Variants in PLCE1 observed in about 807,000 individuals in gnomAD.
The protein encoded by PLCE1 is phospholipase C epsilon 1.
PLCE1 carries 119 observed loss-of-function variants against 242.8 expected under a neutral mutation model. That is an observed-to-expected ratio of 0.49 (90% CI 0.42 to 0.57). PLCE1 has a LOEUF of 0.57. PLCE1 is among the 20% of genes least tolerant of loss of function. The probability of loss-of-function intolerance (pLI) is 0.00; values close to 1 mark genes in which losing one functional copy is unlikely to be tolerated. For synonymous variants in PLCE1, 945 were observed against 1,017.4 expected (o/e 0.93, Z 1.35); for missense variants, 2,441 against 2,788.8 (o/e 0.88, Z 2.81).
intron 2 of PLCE1, among the ~76,000 whole-genome samples, chr10:94,079,088 T>G (rs2044584325): frequency 6.6e-6 from 1 of 152,154 alleles, no homozygotes; most frequent in Non-Finnish European, 1.5e-5. Context: ...TTAAATTAAT[T>G]AAATTGTAAT....
At chr10:94,050,427 C>T (rs1263518955) in intron 2 of PLCE1, among the ~76,000 whole-genome samples, 3 of 152,078 alleles carry the variant, frequency 2.0e-5, no homozygotes, top group South Asian at 2.1e-4. Context: ...TCTCCAGTCA[C>T]CTCCCACCAG....
chr10:94,249,241 G>A (rs897522977), intron 8 of PLCE1, among the ~76,000 whole-genome samples: 1 of 152,130 alleles, frequency 6.6e-6, no homozygotes, highest in Non-Finnish European at 1.5e-5. Context: ...AAGTTGGAAA[G>A]ACCAATGGAC....
chr10:94,275,834 C>CAAAAA (rs150183729), intron 19 of PLCE1, among the ~76,000 whole-genome samples: 1 of 135,686 alleles, frequency 7.4e-6, no homozygotes, highest in Non-Finnish European at 1.6e-5. Flanking sequence ...GACCCTGACT[C>CAAAAA]AAAAAAAAAA....
At chr10:94,200,790 G>A (rs1310021670) in intron 4 of PLCE1, among the ~76,000 whole-genome samples, 2 of 152,146 alleles carry the variant, frequency 1.3e-5, no homozygotes, top group Non-Finnish European at 2.9e-5. Context: ...GTGTGCCCTG[G>A]ATATAATGTG....
chr10:94,222,222 A>C (rs144779640), intron 4 of PLCE1, among the ~76,000 whole-genome samples: 9 of 152,306 alleles, frequency 5.9e-5, no homozygotes, highest in Non-Finnish European at 1.2e-4. Context: ...GTGAGAATAC[A>C]AGTGAAACTT....
intron 4 of PLCE1, among the ~76,000 whole-genome samples, chr10:94,207,157 T>G (rs1480641566): frequency 6.6e-6 from 1 of 152,080 alleles, no homozygotes; most frequent in African/African-American, 2.4e-5. Context: ...CCCTGGCTCG[T>G]GTGGGGAGGG....
intron 1 of PLCE1, among the ~76,000 whole-genome samples, chr10:94,001,866 A>G (rs368331561): frequency 7.2e-5 from 11 of 152,386 alleles, no homozygotes; most frequent in South Asian, 6.2e-4. Flanking sequence ...TAAAATTCAC[A>G]AAAGCTAAAT....
At chr10:94,218,765 G>A in intron 4 of PLCE1, among the ~76,000 whole-genome samples, 1 of 151,546 alleles carries the variant, frequency 6.6e-6, no homozygotes, top group East Asian at 1.9e-4. Context: ...TGCTTTGGGA[G>A]GGCAACTGGG....
chr10:94,027,820 A>AAATAAATAAAT lies in PLCE1; in HGVS notation c.-364-2861_-364-2860insTAAATAAATAA, dbSNP rs1564632331. ...TGGCGACAGAGTGAGACTCCATCTC[A>AAATAAATAAAT]AAATAAATAAATAAATAAATAAATA... On this transcript the variant is annotated intron_variant, in intron 1 of 32. Transcript: ENST00000371380. 3.4e-3 allele frequency among the ~76,000 whole-genome samples: 504 copies of AAATAAATAAAT among 149,412 alleles called. 9 individuals carry two copies. Among genetic ancestry groups the AAATAAATAAAT allele is most frequent in the African/African-American group, 0.012 (478 of 40,444 alleles).
intron 7 of PLCE1, among the ~76,000 whole-genome samples, chr10:94,239,066 G>A (rs2050414384): frequency 2.0e-5 from 3 of 152,074 alleles, no homozygotes; most frequent in Non-Finnish European, 2.9e-5. Flanking sequence ...TACTTGATAG[G>A]GTTTTTGTGA....
At chr10:94,181,223 C>A (rs913278724) in intron 4 of PLCE1, among the ~76,000 whole-genome samples, 3 of 152,150 alleles carry the variant, frequency 2.0e-5, no homozygotes, top group Non-Finnish European at 4.4e-5. Context: ...GTAGCCCACC[C>A]CCAAGAGATT....
chr10:94,052,641 TTTTC>T (rs757167321), intron 2 of PLCE1, among the ~76,000 whole-genome samples: 1 of 152,188 alleles, frequency 6.6e-6, no homozygotes, highest in African/African-American at 2.4e-5. Flanking sequence ...CTTTCTTTCT[TTTTC>T]TTTTTTTCTT....
intron 3 of PLCE1, among the ~76,000 whole-genome samples, chr10:94,154,267 T>C (rs2047359765): frequency 6.6e-6 from 1 of 152,186 alleles, no homozygotes; most frequent in African/African-American, 2.4e-5. Flanking sequence ...TGGATATCCA[T>C]ATGCCAAACA....
chr10:94,324,611 A>T, intron 31 of PLCE1, 44 bp downstream of exon 31: 1 of 1,424,632 alleles, frequency 7.0e-7, no homozygotes, highest in South Asian at 1.1e-5. Context: ...GTTATCTGAT[A>T]CCCATAATTA....
chr10:94,319,883 T>C (rs1157149406), intron 29 of PLCE1, among the ~76,000 whole-genome samples: 1 of 140,802 alleles, frequency 7.1e-6, no homozygotes, highest in East Asian at 2.0e-4. Flanking sequence ...TTTTTTTTTT[T>C]TTTTGAGATG....
At chr10:94,106,054 G>A (rs563966243) in intron 2 of PLCE1, 6 of 152,336 alleles carry the variant, frequency 3.9e-5, no homozygotes, top group African/African-American at 1.4e-4. Flanking sequence ...ATGAGGCAGA[G>A]CTGGGATTCA....
intron 11 of PLCE1, among the ~76,000 whole-genome samples, chr10:94,257,621 G>A (rs1271435701): frequency 6.6e-6 from 1 of 152,144 alleles, no homozygotes; most frequent in Non-Finnish European, 1.5e-5. Context: ...GTCCTTTGTG[G>A]GGACATAGAT....
At chr10:94,179,011 C>A (rs894300384) in intron 4 of PLCE1, among the ~76,000 whole-genome samples, 2 of 152,164 alleles carry the variant, frequency 1.3e-5, no homozygotes, top group Non-Finnish European at 2.9e-5. Context: ...GGATAAACTG[C>A]TGATAAAAAC....
rs753327346 is a variant in PLCE1, at chr10:94,117,811, G to A, written c.1207-14363G>A. The stretch of plus-strand genomic sequence containing the variant: ...TAATGAATGCACCCAATTGTTTAGA[G>A]CTCCCACAAAGTGAAGGACAACATT... On this transcript the variant is annotated intron_variant, in intron 2 of 32. Coordinates refer to ENST00000371380, the MANE Select transcript of PLCE1 (RefSeq NM_016341.4). Among the ~76,000 whole-genome samples, 65 of 152,284 alleles carry A rather than the reference G, an allele frequency of 4.3e-4. No homozygotes were observed. In the Middle Eastern group the frequency reaches 0.014, roughly 32 times the overall value.
Sources: gnomAD v4.1 joint callset for allele counts (sites outside exome capture counted in the v4.1 genomes callset) on GRCh38, gnomAD v4.1.1 for gene constraint, MANE v1.5 for transcripts, NCBI Gene and HGNC (gene_info 2026-07-23, HGNC 2026-07-21) for gene names.